Variants in MYO16 observed in about 807,000 individuals in gnomAD.
The protein encoded by MYO16 is myosin XVI, also known as unconventional myosin-XVI.
Under a neutral mutation model 205.3 loss-of-function variants are expected in MYO16, and 94 were observed. The ratio of observed to expected loss-of-function variants is 0.46; its 90% CI spans 0.39 to 0.54. The LOEUF (loss-of-function observed/expected upper bound fraction) is 0.54. MYO16 is among the 20% of genes least tolerant of loss of function. The pLI is 0.00. For missense variants in MYO16, 2,315 were observed against 2,387.5 expected, an observed-to-expected ratio of 0.97 and a Z score of 0.63; for synonymous variants, 988 against 954.0, an observed-to-expected ratio of 1.04 and a Z score of -0.66.
chr13:108,688,094 T>C (rs1882750913), intron 2 of MYO16, among the ~76,000 whole-genome samples: 1 of 152,174 alleles, frequency 6.6e-6, no homozygotes, highest in Non-Finnish European at 1.5e-5. Flanking sequence ...ACTTAGTTTG[T>C]TCAGTATTGG....
chr13:108,770,259 A>C (rs552072417), intron 4 of MYO16, among the ~76,000 whole-genome samples: 1 of 152,312 alleles, frequency 6.6e-6, no homozygotes, highest in South Asian at 2.1e-4. Context: ...ACTCATTGAA[A>C]TATTAATAGT....
At chr13:108,808,143 C>T (rs1367012082) in intron 7 of MYO16, among the ~76,000 whole-genome samples, 2 of 151,822 alleles carry the variant, frequency 1.3e-5, no homozygotes, top group Non-Finnish European at 2.9e-5. Context: ...AAATTTTATC[C>T]CTCAAGCCAT....
chr13:109,014,335 T>A (rs1885726727), intron 22 of MYO16, among the ~76,000 whole-genome samples: 1 of 152,240 alleles, frequency 6.6e-6, no homozygotes, highest in Non-Finnish European at 1.5e-5. Flanking sequence ...CTCTCTGTTT[T>A]GGTACCAGTA....
intron 16 of MYO16, among the ~76,000 whole-genome samples, chr13:108,943,657 G>A (rs2139321372): frequency 6.6e-6 from 1 of 152,056 alleles, no homozygotes; most frequent in East Asian, 1.9e-4. Flanking sequence ...CACCATGTTG[G>A]CCAGGCTGGT....
chr13:109,194,094 G>C (rs1257211070), intron 34 of MYO16, among the ~76,000 whole-genome samples: 2 of 152,004 alleles, frequency 1.3e-5, no homozygotes, highest in Non-Finnish European at 2.9e-5. Context: ...TTTTGTACTT[G>C]TGTCTTGTCT....
At chr13:109,171,067 T>C (rs970175528) in intron 33 of MYO16, among the ~76,000 whole-genome samples, 6 of 152,206 alleles carry the variant, frequency 3.9e-5, no homozygotes, top group Non-Finnish European at 7.3e-5. Flanking sequence ...CATGAATTTC[T>C]GGGGGCCTGG....
At chr13:108,912,143 A>G (rs1881294877) in intron 16 of MYO16, among the ~76,000 whole-genome samples, 1 of 152,180 alleles carries the variant, frequency 6.6e-6, no homozygotes, top group Non-Finnish European at 1.5e-5. Context: ...GAGAAATTAC[A>G]GGACAACCTC....
the MYO16 span, among the ~76,000 whole-genome samples, chr13:108,496,787 G>C: frequency 6.6e-6 from 1 of 152,188 alleles, no homozygotes; most frequent in African/African-American, 2.4e-5. Context: ...TTAACCGTTT[G>C]CCACTCAGAA....
At chr13:109,201,365 C>G (rs1462750193) in intron 34 of MYO16, 1 of 151,734 alleles carries the variant, frequency 6.6e-6, no homozygotes, top group Non-Finnish European at 1.5e-5. Flanking sequence ...TTGTGTTATT[C>G]ATGTAATTTA....
At position 109,173,947 on chromosome 13, in the gene MYO16, T is replaced by TGCGGG. The variant is rs35729053; in HGVS notation, c.5324-5594_5324-5593insCGGGG. Among the ~76,000 whole-genome samples, 31 of 115,230 alleles carry TGCGGG rather than the reference T, an allele frequency of 2.7e-4. 1 individual carries two copies. Among genetic ancestry groups the TGCGGG allele is most frequent in the African/African-American group, 3.5e-4 (10 of 28,858 alleles). The allele number at this position is 115,230 out of a possible 152,430, so 75.6% of individuals were successfully genotyped here. On this transcript the variant is annotated intron_variant, in intron 33 of 34. Coordinates refer to ENST00000457511, the MANE Select transcript of MYO16 (RefSeq NM_001198950.3). Reference sequence around the variant, plus strand: ...TCTGAAAGGGTTGTCCTTGTTTTGATGGGGGGGGGTACTCTCTGCTGTTTT... The same window carrying TGCGGG: ...TCTGAAAGGGTTGTCCTTGTTTTGATGCGGGGGGGGGGGGTACTCTCTGCTGTTTT...
chr13:109,131,669 T>A (rs968100850), intron 31 of MYO16, among the ~76,000 whole-genome samples: 8 of 152,304 alleles, frequency 5.3e-5, no homozygotes, highest in Middle Eastern at 3.4e-3. Flanking sequence ...GGAATTGTGG[T>A]TTTTGCCATT....
chr13:108,500,252 TTG>T, the MYO16 span, among the ~76,000 whole-genome samples: 1 of 99,538 alleles, frequency 1.0e-5, no homozygotes, highest in Non-Finnish European at 1.9e-5. Flanking sequence ...TTTTTTTTTT[TTG>T]AGACGGAGTC....
intron 1 of MYO16, among the ~76,000 whole-genome samples, chr13:108,662,104 G>A (rs1881528400): frequency 6.6e-6 from 1 of 152,206 alleles, no homozygotes; most frequent in Non-Finnish European, 1.5e-5. Context: ...GCTGGTACTG[G>A]GGGTTGTCTG....
At chr13:109,145,856 G>T (rs777076277) in intron 32 of MYO16, among the ~76,000 whole-genome samples, 1 of 152,108 alleles carries the variant, frequency 6.6e-6, no homozygotes, top group Non-Finnish European at 1.5e-5. Context: ...AGGAAGACAG[G>T]GTCTTGACAA....
chr13:108,718,612 G>T (rs973095791), intron 3 of MYO16, among the ~76,000 whole-genome samples: 12 of 152,026 alleles, frequency 7.9e-5, no homozygotes, highest in African/African-American at 2.9e-4. Context: ...ATGTCTGAGG[G>T]TGAGCGCTGC....
At chr13:108,742,605 T>TA (rs972026540) in intron 4 of MYO16, among the ~76,000 whole-genome samples, 22 of 152,248 alleles carry the variant, frequency 1.4e-4, no homozygotes, top group African/African-American at 4.8e-4. Flanking sequence ...TTCTAGTTTT[T>TA]AAAAAAACAA....
chr13:108,952,052 A>T (rs1057483757), intron 16 of MYO16, among the ~76,000 whole-genome samples: 3 of 152,042 alleles, frequency 2.0e-5, no homozygotes, highest in Non-Finnish European at 4.4e-5. Context: ...CGGAGGTTGC[A>T]GTGAGCTGAG....
intron 32 of MYO16, among the ~76,000 whole-genome samples, chr13:109,158,476 A>G (rs531558361): frequency 6.6e-6 from 1 of 152,230 alleles, no homozygotes; most frequent in Admixed American, 6.5e-5. Context: ...GTCATGGCAA[A>G]CTTATAAAAC....
chr13:108,593,526 C>T (rs1033239321), upstream of MYO16, among the ~76,000 whole-genome samples: 2 of 152,050 alleles, frequency 1.3e-5, no homozygotes, highest in Non-Finnish European at 1.5e-5. Context: ...GCCCCACGGA[C>T]GAATTGTTTT....
Sources: allele counts gnomAD v4.1 joint callset (sites outside exome capture counted in the v4.1 genomes callset), GRCh38; gene constraint gnomAD v4.1.1; transcripts MANE v1.5; gene names NCBI Gene and HGNC (gene_info 2026-07-23, HGNC 2026-07-21).